The following DDX31 variants were observed in gnomAD, a reference collection of about 807,000 sequenced individuals.
The protein encoded by DDX31 is DEAD-box helicase 31, also known as ATP-dependent DNA helicase DDX31.
A neutral mutation model predicts 91.3 loss-of-function variants in DDX31; 70 were observed. That is an observed-to-expected ratio of 0.77 (90% CI 0.63 to 0.94). DDX31 has a LOEUF of 0.94. Ranked by LOEUF, DDX31 falls within the 40% of genes least tolerant of loss-of-function variation. The pLI is 0.00. For missense variants in DDX31, 902 were observed against 925.0 expected (o/e 0.98, Z 0.32); for synonymous variants, 362 against 350.6 (o/e 1.03, Z -0.36).
chr9:132,630,550 C>A, intron 15 of DDX31, 147 bp from the exon 16 acceptor site: 1 of 768,506 alleles, frequency 1.3e-6, no homozygotes, highest in Non-Finnish European at 1.8e-6. Flanking sequence ...GGAGAAGTCA[C>A]CCAACCCTGA....
chr9:132,633,554 C>A (rs905046987), intron 14 of DDX31, among the ~76,000 whole-genome samples: 1 of 151,398 alleles, frequency 6.6e-6, no homozygotes, highest in African/African-American at 2.4e-5. Context: ...TTTCTATATA[C>A]GGATATGGAG....
At chr9:132,645,467 T>C (rs1833769955) in intron 13 of DDX31, among the ~76,000 whole-genome samples, 1 of 152,160 alleles carries the variant, frequency 6.6e-6, no homozygotes, top group Non-Finnish European at 1.5e-5. Flanking sequence ...CCATATGGGA[T>C]CCACAATTTA....
chr9:132,644,908 G>A (rs548926071), intron 13 of DDX31, among the ~76,000 whole-genome samples: 3 of 152,178 alleles, frequency 2.0e-5, no homozygotes, highest in African/African-American at 7.2e-5. Flanking sequence ...CGGTGTCCTT[G>A]AGTGACCTTG....
intron 16 of DDX31, among the ~76,000 whole-genome samples, chr9:132,626,809 C>A (rs1832421897): frequency 6.6e-6 from 1 of 152,110 alleles, no homozygotes; most frequent in South Asian, 2.1e-4. Context: ...CCTGCACACC[C>A]CCAGCCCTCA....
At position 132,625,760 on chromosome 9, in the gene DDX31, G is replaced by GCACAA; in HGVS notation, c.1632-16_1632-15insTTGTG. 1 of 1,608,150 alleles carries GCACAA rather than the reference G, an allele frequency of 6.2e-7. No homozygotes were observed. Among genetic ancestry groups the GCACAA allele is most frequent in the Non-Finnish European group, 8.5e-7 (1 of 1,176,846 alleles). The stretch of plus-strand genomic sequence containing the variant: ...TCTCAGAAACGCTGTAAAAGGAAGG[G>GCACAA]CACAGCAAGGTAACTTTTTGCTCTT... On this transcript the variant is annotated splice_polypyrimidine_tract_variant and intron_variant, in intron 16 of 19. Transcript: ENST00000372159.
At chr9:132,628,343 A>C (rs997617158) in intron 16 of DDX31, among the ~76,000 whole-genome samples, 4 of 152,154 alleles carry the variant, frequency 2.6e-5, no homozygotes, top group Admixed American at 6.5e-5. Flanking sequence ...CTCCTTTCAG[A>C]AGAGGTGGCG....
intron 1 of DDX31, chr9:132,663,213 A>G (rs971766610): frequency 1.6e-6 from 2 of 1,289,138 alleles, no homozygotes; most frequent in Non-Finnish European, 2.0e-6. Flanking sequence ...AAGCGGAAAC[A>G]TTCATTACCA....
At chr9:132,657,186 T>C (rs1834622228) in intron 6 of DDX31, among the ~76,000 whole-genome samples, 1 of 152,248 alleles carries the variant, frequency 6.6e-6, no homozygotes, top group Non-Finnish European at 1.5e-5. Flanking sequence ...ATGGCTATAC[T>C]TGGTTCCATC....
Position 132,612,116 on chromosome 9 carries a change from A to G in DDX31, c.1965T>C (p.Thr655=), listed in dbSNP as rs757351589. 1.2e-6 allele frequency: 2 copies of G among 1,614,130 alleles called. No individual in the cohort carries two copies. The highest frequency in any genetic ancestry group is 2.2e-5 in the South Asian group (2 of 91,076). ...TCACGTGTGCTTTCCTCTTCTTTCT[A>G]GTCAAGGCACTAAGATTCCTGGGGG... ...RDAPRNLSAL[T]RKKRKAHVKR... is the part of the protein sequence containing the mutation. Residue 655 remains threonine (T), a synonymous_variant, in exon 19 of 20, where the codon ACT becomes ACC. Transcript: ENST00000372159.
chr9:132,611,087 C>T (rs1831309139), intron 19 of DDX31, among the ~76,000 whole-genome samples: 1 of 152,222 alleles, frequency 6.6e-6, no homozygotes, highest in African/African-American at 2.4e-5. Flanking sequence ...AACAGGCAAG[C>T]TGGACACTGG....
At chr9:132,611,721 G>A (rs2119296848) in intron 19 of DDX31, among the ~76,000 whole-genome samples, 1 of 152,106 alleles carries the variant, frequency 6.6e-6, no homozygotes, top group South Asian at 2.1e-4. Flanking sequence ...AGCAGCTCCT[G>A]GAATCTGAGG....
At chr9:132,596,937 C>A (rs1487788841) in intron 19 of DDX31, among the ~76,000 whole-genome samples, 2 of 152,110 alleles carry the variant, frequency 1.3e-5, no homozygotes, top group African/African-American at 4.8e-5. Flanking sequence ...GCTGAGGACA[C>A]AGAATGAGTG....
intron 1 of DDX31, among the ~76,000 whole-genome samples, chr9:132,667,014 T>G (rs548890845): frequency 3.3e-5 from 5 of 150,606 alleles, no homozygotes; most frequent in African/African-American, 1.2e-4. Flanking sequence ...CGCCAAGCCT[T>G]TTTTTTGTAT....
chr9:132,597,179 C>T (rs1042166109), intron 19 of DDX31, among the ~76,000 whole-genome samples: 9 of 152,182 alleles, frequency 5.9e-5, no homozygotes, highest in African/African-American at 2.2e-4. Flanking sequence ...CTGAGAGCAT[C>T]CACCACTTCC....
rs768329211 is a variant in DDX31 at position 132,630,353 on chromosome 9, G to A, written c.1542C>T (p.Thr514=). ...TGCTCCCATGGCAGCCAATCCGGGC[G>A]GTTCTTCCAATCCGGTGGATGTATT... The part of the protein sequence containing the change: ...PAEYIHRIGR[T]ARIGCHGSSL... The change falls in exon 16 of 20, where the codon ACC becomes ACT. Residue 514 remains threonine (T), a synonymous_variant. Coordinates refer to ENST00000372159, the MANE Select transcript of DDX31 (RefSeq NM_022779.9). The A allele has an allele frequency of 6.3e-5, 101 of 1,604,320 alleles. No individual in the cohort carries two copies. The Middle Eastern group carries it at 8.3e-4, about 13-fold the overall frequency.
rs778680302 is a variant in DDX31 at position 132,632,037 on chromosome 9, T to C, written c.1491+4A>G. ...AGCTTACACCTTAACAACTAAAAAA[T>C]TACCTGAACAATCCACGTGACTTGA... On this transcript the variant is annotated splice_donor_region_variant and intron_variant, in intron 15 of 19. Transcript: ENST00000372159. 6.2e-7 allele frequency: 1 copy of C among 1,612,416 alleles called. No individual in the cohort carries two copies. Among genetic ancestry groups the C allele is most frequent in the Admixed American group, 1.7e-5 (1 of 59,846 alleles).
At position 132,646,006 on chromosome 9, in the gene DDX31, G is replaced by A; in HGVS notation, c.1269C>T (p.Ser423=). ...TGCTCAGCAGGGTCTGTAGGAAGAG[G>A]CTGTAGTGGAACTCCACCAGCTCGC... ...SSCELVEFHY[S]LFLQTLLSSS... Residue 423 remains serine (S), a synonymous_variant, in exon 13 of 20, where the codon AGC becomes AGT. Coordinates refer to ENST00000372159, the MANE Select transcript of DDX31 (RefSeq NM_022779.9). The A allele has an allele frequency of 6.2e-7, 1 of 1,614,124 alleles. No homozygotes were observed. Among genetic ancestry groups the A allele is most frequent in the Non-Finnish European group, 8.5e-7 (1 of 1,180,014 alleles).
At chr9:132,644,772 G>A (rs1032272718) in intron 13 of DDX31, among the ~76,000 whole-genome samples, 7 of 152,058 alleles carry the variant, frequency 4.6e-5, no homozygotes, top group East Asian at 1.9e-4. Flanking sequence ...AACCATTAAC[G>A]GTATTAAATA....
chr9:132,661,126 T>A lies in DDX31; in HGVS notation c.452+82A>T, dbSNP rs1175132316. On this transcript the variant is annotated intron_variant, in intron 4 of 19. Coordinates refer to ENST00000372159, the MANE Select transcript of DDX31 (RefSeq NM_022779.9). ...TGTGTTCCAACGCCAAGACACAAAT[T>A]TGCTCTGCCTTGCACACACAGGTTT... The A allele has an allele frequency of 4.9e-6, 6 of 1,221,030 alleles. No individual in the cohort carries two copies. The East Asian group carries it at 1.4e-4, about 28-fold the overall frequency. 75.6% of individuals were successfully genotyped at this position (1,221,030 alleles called of 1,614,324 possible).
Sources: gnomAD v4.1 joint callset for allele counts (sites outside exome capture counted in the v4.1 genomes callset) on GRCh38, gnomAD v4.1.1 for gene constraint, MANE v1.5 for transcripts, NCBI Gene and HGNC (gene_info 2026-07-23, HGNC 2026-07-21) for gene names.